Variants in PCDHGB1 observed in about 807,000 individuals in gnomAD.
PCDHGB1 encodes protocadherin gamma-B1.
In PCDHGB1, 34 loss-of-function variants were observed where a neutral mutation model predicts 56.6. The observed-to-expected ratio is 0.60, with a 90% CI of 0.46 to 0.80. PCDHGB1 has a LOEUF of 0.80. Ranked by LOEUF, PCDHGB1 falls within the 30% of genes least tolerant of loss-of-function variation. The probability of loss-of-function intolerance (pLI) is 0.00; values close to 1 mark genes in which losing one functional copy is unlikely to be tolerated. For synonymous variants in PCDHGB1, 561 were observed against 505.9 expected (o/e 1.11, Z -1.46); for missense variants, 1,278 against 1,204.6 (o/e 1.06, Z -0.90).
intron 1 of PCDHGB1, among the ~76,000 whole-genome samples, chr5:141,436,389 TTAAA>T (rs1385837876): frequency 6.6e-6 from 1 of 152,212 alleles, no homozygotes; most frequent in Non-Finnish European, 1.5e-5. Context: ...ATAGGCTTTA[TTAAA>T]TAGTTGTTGA....
intron 1 of PCDHGB1, chr5:141,422,354 A>G: frequency 6.4e-7 from 1 of 1,557,090 alleles, no homozygotes; most frequent in Non-Finnish European, 8.6e-7. Flanking sequence ...CAAGATCAAG[A>G]TTCTGGAGAA....
At chr5:141,419,170 C>T (rs758796140) in intron 1 of PCDHGB1, 4 of 1,613,966 alleles carry the variant, frequency 2.5e-6, no homozygotes, top group Non-Finnish European at 3.4e-6. Context: ...CCAGCAAAAC[C>T]ATAACCCTGC....
At chr5:141,372,134 C>T (rs376964998) in intron 1 of PCDHGB1, 3 of 1,613,696 alleles carry the variant, frequency 1.9e-6, no homozygotes, top group Non-Finnish European at 2.5e-6. Context: ...TGGTGCCGCG[C>T]TCTGCAGAGC....
At chr5:141,452,908 A>G (rs747849272) in intron 1 of PCDHGB1, among the ~76,000 whole-genome samples, 5 of 152,222 alleles carry the variant, frequency 3.3e-5, no homozygotes, top group African/African-American at 4.8e-5. Flanking sequence ...AGTTGGCATT[A>G]TACAGTAAGA....
At chr5:141,462,698 G>A (rs2099045237) in intron 1 of PCDHGB1, among the ~76,000 whole-genome samples, 1 of 152,062 alleles carries the variant, frequency 6.6e-6, no homozygotes. Context: ...ATTTATAATG[G>A]AGGTTTTAAA....
intron 1 of PCDHGB1, chr5:141,371,830 C>A: frequency 6.2e-7 from 1 of 1,613,814 alleles, no homozygotes. Flanking sequence ...GCCTCGGATC[C>A]CGACTTGGGA....
At position 141,476,792 on chromosome 5, in the gene PCDHGB1, G is replaced by T. The variant is rs376910320; in HGVS notation, c.2410-18015G>T. ...GGACGGAGGGACCCCAGCTCTCTCC[G>T]CCAGCCTGCCTATTCACATCAAGGT... On this transcript the variant is annotated intron_variant, in intron 1 of 3. Coordinates refer to ENST00000523390, the MANE Select transcript of PCDHGB1 (RefSeq NM_018922.3). The surrounding 1 kb of genome is among the most constrained non-coding windows in gnomAD (Gnocchi z 7.6). 4.3e-6 allele frequency: 7 copies of T among 1,612,720 alleles called. No individual in the cohort carries two copies. Among genetic ancestry groups the T allele is most frequent in the Non-Finnish European group, 5.1e-6 (6 of 1,179,958 alleles).
At chr5:141,361,795 G>A (rs750920407) in intron 1 of PCDHGB1, 2 of 1,613,220 alleles carry the variant, frequency 1.2e-6, no homozygotes, top group East Asian at 2.2e-5. Context: ...GTTAGTGGGC[G>A]ACCTCAATGA....
intron 1 of PCDHGB1, chr5:141,429,173 C>CA (rs1561839883): frequency 7.9e-6 from 1 of 125,872 alleles, no homozygotes; most frequent in Non-Finnish European, 1.7e-5. Flanking sequence ...TGTTTATACA[C>CA]ACACACACAC....
At chr5:141,403,350 TC>T in intron 1 of PCDHGB1, 2 of 1,613,994 alleles carry the variant, frequency 1.2e-6, no homozygotes, top group Non-Finnish European at 1.7e-6. Flanking sequence ...GCCCCAAAGT[TC>T]CAGGCCGAAA....
Position 141,485,818 on chromosome 5 carries a change from C to A in PCDHGB1, c.2410-8989C>A, listed in dbSNP as rs757848513. The A allele has an allele frequency of 1.2e-6, 2 of 1,613,910 alleles. No individual in the cohort carries two copies. The highest frequency in any genetic ancestry group is 1.7e-6 in the Non-Finnish European group (2 of 1,179,974). On this transcript the variant is annotated intron_variant, in intron 1 of 3. Transcript: ENST00000523390. The surrounding 1 kb of genome is among the most constrained non-coding windows in gnomAD (Gnocchi z 5.7). ...ACTACCGCCTGGTGCTGACTGCTGT[C>A]GATGGAGGGAACCCGCCGAGATCTG...
chr5:141,455,550 G>C lies in PCDHGB1; in HGVS notation c.2410-39257G>C, dbSNP rs1195359804. On this transcript the variant is annotated intron_variant, in intron 1 of 3. Transcript: ENST00000523390. ...ACCAGGCATATCATTCACGTAGCCC[G>C]AGAAAAAGCTGGCCCTCCCACCCCA... 2.0e-5 allele frequency among the ~76,000 whole-genome samples: 3 copies of C among 152,138 alleles called. No individual in the cohort carries two copies. In the South Asian group the frequency reaches 6.2e-4, roughly 32 times the overall value.
rs539878473 is a variant in PCDHGB1 at position 141,501,595 on chromosome 5, C to T, written c.2469-3798C>T. Reference sequence around the variant, plus strand: ...GCTGGCTTTCAGGTTGCAACTCTACCAGTTCCAGCTGTGTGACTCTGGTAT... The same window carrying T: ...GCTGGCTTTCAGGTTGCAACTCTACTAGTTCCAGCTGTGTGACTCTGGTAT... On this transcript the variant is annotated intron_variant, in intron 2 of 3. Coordinates refer to ENST00000523390, the MANE Select transcript of PCDHGB1 (RefSeq NM_018922.3). Among the ~76,000 whole-genome samples the T allele has an allele frequency of 9.9e-5, 15 of 152,164 alleles. No homozygotes were observed. In the East Asian group the frequency reaches 2.9e-3, roughly 30 times the overall value.
At chr5:141,470,862 G>T (rs1363111218) in intron 1 of PCDHGB1, among the ~76,000 whole-genome samples, 1 of 151,596 alleles carries the variant, frequency 6.6e-6, no homozygotes, top group Non-Finnish European at 1.5e-5. Context: ...TAAGTTTTTT[G>T]TTTGTTTGTT....
At chr5:141,478,804 G>C (rs765938054) in intron 1 of PCDHGB1, 48 of 1,462,396 alleles carry the variant, frequency 3.3e-5, no homozygotes, top group Non-Finnish European at 4.1e-5. Context: ...GCACTCTTTT[G>C]CTATCACAAC....
intron 1 of PCDHGB1, chr5:141,422,952 C>A (rs759618535): frequency 6.2e-7 from 1 of 1,614,254 alleles, no homozygotes; most frequent in Non-Finnish European, 8.5e-7. Context: ...GCTCCACTGG[C>A]GTGGAGCTGG....
At chr5:141,434,497 G>A (rs986672351) in intron 1 of PCDHGB1, among the ~76,000 whole-genome samples, 2 of 152,214 alleles carry the variant, frequency 1.3e-5, no homozygotes, top group African/African-American at 4.8e-5. Context: ...CCCGCCCAGG[G>A]CAGAAAACTG....
chr5:141,372,365 C>T lies in PCDHGB1; in HGVS notation c.2409+19696C>T, dbSNP rs777698721. On this transcript the variant is annotated intron_variant, in intron 1 of 3. Coordinates refer to ENST00000523390, the MANE Select transcript of PCDHGB1 (RefSeq NM_018922.3). ...GAGGACAGCAGCCTCTTTCAGCCACCGTCATGCTGCACCTAATCTTCGCAG... is the reference window on the plus strand; with the variant it reads ...GAGGACAGCAGCCTCTTTCAGCCACTGTCATGCTGCACCTAATCTTCGCAG... 5.0e-6 allele frequency: 8 copies of T among 1,613,848 alleles called. No individual in the cohort carries two copies. The African/African-American group carries it at 6.7e-5, about 13-fold the overall frequency.
chr5:141,383,853 G>A (rs942698942), intron 1 of PCDHGB1: 7 of 1,613,828 alleles, frequency 4.3e-6, no homozygotes, highest in African/African-American at 2.7e-5. Flanking sequence ...ATGAAATGGA[G>A]GTTCAGGCTC....
Sources: allele counts gnomAD v4.1 joint callset (sites outside exome capture counted in the v4.1 genomes callset), GRCh38; gene constraint gnomAD v4.1.1; non-coding constraint Gnocchi (gnomAD v3.1); transcripts MANE v1.5; gene names NCBI Gene and HGNC (gene_info 2026-07-23, HGNC 2026-07-21).